Variants in MGAT3 observed in about 807,000 individuals in gnomAD.
MGAT3 encodes the protein beta-1,4-mannosyl-glycoprotein 4-beta-N-acetylglucosaminyltransferase.
A neutral mutation model predicts 29.8 loss-of-function variants in MGAT3; 9 were observed. That is an observed-to-expected ratio of 0.30 (90% CI 0.18 to 0.53). The LOEUF (loss-of-function observed/expected upper bound fraction) is 0.53. Ranked by LOEUF, MGAT3 falls within the 20% of genes least tolerant of loss-of-function variation. MGAT3 has a pLI of 0.96. For missense variants in MGAT3, 557 were observed against 769.5 expected (o/e 0.72, Z 3.27); for synonymous variants, 397 against 348.9 (o/e 1.14, Z -1.54).
Position 39,487,311 on chromosome 22 carries a change from GC to G in MGAT3, c.-1-33del, listed in dbSNP as rs1929301953. 6.3e-7 allele frequency: 1 copy of G among 1,587,260 alleles called. No homozygotes were observed. The highest frequency in any genetic ancestry group is 1.4e-5 in the African/African-American group (1 of 73,900). On this transcript the variant is annotated intron_variant, in intron 1 of 1. Transcript: ENST00000341184. This position sits in a 1 kb window ranked among gnomAD's most constrained non-coding sequence, Gnocchi z 5.7. ...CCTTCCTAGGAAAGGAGCCTGGGCT[GC>G]CCTGATGAGTCTCCTGTCTCTCTCT... is the stretch of plus-strand genomic sequence containing the variant.
At chr22:39,465,954 GAAAA>G (rs1217405000) in intron 1 of MGAT3, among the ~76,000 whole-genome samples, 1 of 149,714 alleles carries the variant, frequency 6.7e-6, no homozygotes, top group Non-Finnish European at 1.5e-5. Context: ...AAAAAGAAAA[GAAAA>G]AAGCCTGATA....
At chr22:39,462,398 GATGA>G (rs909687728) in intron 1 of MGAT3, among the ~76,000 whole-genome samples, 20 of 152,240 alleles carry the variant, frequency 1.3e-4, no homozygotes, top group African/African-American at 3.1e-4. Context: ...TGGATGAATG[GATGA>G]ATGAATGAAA....
chr22:39,486,144 A>ATTTT, intron 1 of MGAT3: 2 of 363,812 alleles, frequency 5.5e-6, no homozygotes, highest in Non-Finnish European at 5.2e-6. Flanking sequence ...TAGACCTCAA[A>ATTTT]TTTTTTTTTT....
intron 1 of MGAT3, among the ~76,000 whole-genome samples, chr22:39,469,571 A>C (rs1928749928): frequency 6.6e-6 from 1 of 151,938 alleles, no homozygotes; most frequent in Admixed American, 6.6e-5. Context: ...CTTGGACCAG[A>C]CCTCCACCTG....
chr22:39,482,147 ATTTT>A (rs11380222), intron 1 of MGAT3, among the ~76,000 whole-genome samples: 1 of 134,098 alleles, frequency 7.5e-6, no homozygotes. Context: ...GGCACTGCTA[ATTTT>A]TTTTTTTTTT....
rs1341680035 is a variant in MGAT3, at chr22:39,490,611, C to T, written c.*1662C>T. The stretch of plus-strand genomic sequence containing the variant: ...TGGGGGCAGTGAGGAGCTTGCAGCT[C>T]TGTGGGAAGGGGAAACACCCCCTCC... On this transcript the variant is annotated 3_prime_UTR_variant, in exon 2 of 2. Transcript: ENST00000341184. The T allele has an allele frequency of 6.0e-6, 1 of 167,140 alleles. No individual in the cohort carries two copies. The highest frequency in any genetic ancestry group is 2.4e-5 in the African/African-American group (1 of 41,390). The allele number at this position is 167,140 out of a possible 1,614,324, so 10.4% of individuals were successfully genotyped here.
At chr22:39,458,244 G>T (rs1047718980) in intron 1 of MGAT3, among the ~76,000 whole-genome samples, 7 of 152,118 alleles carry the variant, frequency 4.6e-5, no homozygotes, top group African/African-American at 1.7e-4. Context: ...AGGGGAGTGC[G>T]CCTGGGTGTG....
At chr22:39,475,803 T>C (rs1928942265) in intron 1 of MGAT3, 1 of 152,270 alleles carries the variant, frequency 6.6e-6, no homozygotes, top group Admixed American at 6.5e-5. Context: ...CACTAGAGCA[T>C]GCAGCTATTA....
chr22:39,484,361 T>G (rs1929211272), intron 1 of MGAT3, among the ~76,000 whole-genome samples: 1 of 152,140 alleles, frequency 6.6e-6, no homozygotes, highest in East Asian at 1.9e-4. Context: ...GGAGCCTTGT[T>G]TTTTTTTGTT....
chr22:39,466,545 C>T (rs1928652639), intron 1 of MGAT3, among the ~76,000 whole-genome samples: 1 of 152,338 alleles, frequency 6.6e-6, no homozygotes, highest in Non-Finnish European at 1.5e-5. Flanking sequence ...GTGAGCCTCA[C>T]CTTCCTACTT....
At chr22:39,469,825 G>A (rs1390413655) in intron 1 of MGAT3, among the ~76,000 whole-genome samples, 2 of 152,244 alleles carry the variant, frequency 1.3e-5, no homozygotes, top group East Asian at 1.9e-4. Flanking sequence ...GAGCCTGGGC[G>A]GGAGGGGCTG....
intron 1 of MGAT3, among the ~76,000 whole-genome samples, chr22:39,467,964 G>A (rs1167815749): frequency 6.6e-6 from 1 of 152,016 alleles, no homozygotes; most frequent in Non-Finnish European, 1.5e-5. Flanking sequence ...TTGATGAGCA[G>A]CAGTGGGCAC....
chr22:39,461,537 A>G (rs1928497465), intron 1 of MGAT3, among the ~76,000 whole-genome samples: 2 of 152,162 alleles, frequency 1.3e-5, no homozygotes, highest in African/African-American at 4.8e-5. Flanking sequence ...GCTTAAGCCA[A>G]TGAGAGCTCA....
chr22:39,475,034 T>G (rs1322313282), intron 1 of MGAT3, among the ~76,000 whole-genome samples: 4 of 151,694 alleles, frequency 2.6e-5, no homozygotes, highest in Admixed American at 2.0e-4. Context: ...GGGTTCTGCT[T>G]GTGGTGCGGC....
intron 1 of MGAT3, among the ~76,000 whole-genome samples, chr22:39,465,656 A>C (rs1281110805): frequency 6.6e-6 from 1 of 152,132 alleles, no homozygotes; most frequent in Non-Finnish European, 1.5e-5. Flanking sequence ...CTGAGATATG[A>C]AAATGAAATC....
intron 1 of MGAT3, among the ~76,000 whole-genome samples, chr22:39,486,999 GC>G (rs1252869240): frequency 6.6e-6 from 1 of 152,184 alleles, no homozygotes; most frequent in Non-Finnish European, 1.5e-5. Flanking sequence ...TGCGAGTTGA[GC>G]TTTTCCCAAG....
chr22:39,466,573 C>G (rs575790171), intron 1 of MGAT3, among the ~76,000 whole-genome samples: 1 of 152,212 alleles, frequency 6.6e-6, no homozygotes, highest in Non-Finnish European at 1.5e-5. Flanking sequence ...TTTGCTGATA[C>G]TGGTCCCCTG....
intron 1 of MGAT3, among the ~76,000 whole-genome samples, chr22:39,486,767 T>C (rs1316127208): frequency 1.3e-5 from 2 of 152,020 alleles, no homozygotes. Flanking sequence ...TCTGAAGGTG[T>C]TGGGATTACA....
chr22:39,471,154 G>A (rs1928798836), intron 1 of MGAT3, among the ~76,000 whole-genome samples: 1 of 152,216 alleles, frequency 6.6e-6, no homozygotes, highest in Non-Finnish European at 1.5e-5. Flanking sequence ...CCCTGGGGGT[G>A]GGGGCAGGGG....
Sources: allele counts gnomAD v4.1 joint callset (sites outside exome capture counted in the v4.1 genomes callset), GRCh38; gene constraint gnomAD v4.1.1; non-coding constraint Gnocchi (gnomAD v3.1); transcripts MANE v1.5; gene names NCBI Gene and HGNC (gene_info 2026-07-23, HGNC 2026-07-21).